The following TMEM232 variants were observed in gnomAD, a reference collection of about 807,000 sequenced individuals.
TMEM232 encodes transmembrane protein 232.
Under a neutral mutation model 78.8 loss-of-function variants are expected in TMEM232, and 80 were observed. That is an observed-to-expected ratio of 1.01 (90% CI 0.85 to 1.22). TMEM232 has a LOEUF of 1.22. Among genes scored for constraint, TMEM232 ranks in the 50% most tolerant of loss-of-function variants. TMEM232 has a pLI of 0.00. For missense variants in TMEM232, 881 were observed against 742.2 expected (o/e 1.19, Z -2.17); for synonymous variants, 297 against 254.3 (o/e 1.17, Z -1.60).
chr5:110,729,553 G>A (rs79394472), upstream of TMEM232, among the ~76,000 whole-genome samples: 4 of 152,290 alleles, frequency 2.6e-5, no homozygotes, highest in East Asian at 5.8e-4. Flanking sequence ...AGCCAAAAAC[G>A]GCAGATTATA....
intron 12 of TMEM232, among the ~76,000 whole-genome samples, chr5:110,485,779 C>A (rs888579610): frequency 2.0e-5 from 3 of 151,922 alleles, no homozygotes; most frequent in Non-Finnish European, 4.4e-5. Flanking sequence ...TATAAATATG[C>A]GTGTGCAAGT....
At chr5:110,405,649 G>T (rs930123477) in intron 2 of TMEM232, among the ~76,000 whole-genome samples, 4 of 150,456 alleles carry the variant, frequency 2.7e-5, no homozygotes, top group African/African-American at 4.9e-5. Context: ...TTGTTGAATG[G>T]GTCTTCAAGT....
chr5:110,493,561 C>T (rs1377164417), intron 12 of TMEM232, among the ~76,000 whole-genome samples: 1 of 152,016 alleles, frequency 6.6e-6, no homozygotes, highest in African/African-American at 2.4e-5. Context: ...ATATATATGG[C>T]ATTGGCTGAT....
chr5:110,434,518 G>C (rs1380829526), intron 12 of TMEM232, among the ~76,000 whole-genome samples: 1 of 151,544 alleles, frequency 6.6e-6, no homozygotes, highest in Non-Finnish European at 1.5e-5. Context: ...TTACAGCCAA[G>C]TTCTACCAGA....
At chr5:110,448,940 A>G (rs1332579281) in intron 12 of TMEM232, among the ~76,000 whole-genome samples, 1 of 152,036 alleles carries the variant, frequency 6.6e-6, no homozygotes, top group African/African-American at 2.4e-5. Flanking sequence ...AACACAAGAC[A>G]TATAAAGTGT....
intron 1 of TMEM232, among the ~76,000 whole-genome samples, chr5:110,673,797 T>C (rs1791672277): frequency 6.6e-6 from 1 of 152,200 alleles, no homozygotes; most frequent in Admixed American, 6.5e-5. Flanking sequence ...CCTTCTTTCT[T>C]CCCAAAGTGA....
intron 13 of TMEM232, 39 bp from the exon 14 acceptor site, chr5:110,420,795 T>TG: frequency 6.7e-7 from 1 of 1,483,746 alleles, no homozygotes; most frequent in Non-Finnish European, 8.8e-7. Context: ...TGATTTTCCA[T>TG]GAAAAAATGC....
intron 1 of TMEM232, among the ~76,000 whole-genome samples, chr5:110,697,586 TCAAA>T (rs2150254898): frequency 6.6e-6 from 1 of 151,990 alleles, no homozygotes; most frequent in African/African-American, 2.4e-5. Flanking sequence ...TACAATGAAC[TCAAA>T]CAAATTTACA....
At chr5:110,458,313 A>G (rs533616214) in intron 12 of TMEM232, among the ~76,000 whole-genome samples, 1 of 151,298 alleles carries the variant, frequency 6.6e-6, no homozygotes, top group African/African-American at 2.4e-5. Flanking sequence ...GTGCTCTAGT[A>G]CAAAACAAGA....
chr5:110,673,835 T>C (rs902154178), intron 1 of TMEM232, among the ~76,000 whole-genome samples: 2 of 152,218 alleles, frequency 1.3e-5, no homozygotes, highest in Non-Finnish European at 2.9e-5. Flanking sequence ...AATGGGGTTT[T>C]ATTATTAACC....
rs114802064 is a variant in TMEM232 at position 110,551,679 on chromosome 5, T to C, written c.1455+16768A>G. ...CCCTGCAAATGTTGAGCAATAAAAA[T>C]ACAAGGGGAACTACATCGGATTTAT... On this transcript the variant is annotated intron_variant, in intron 11 of 13. Transcript: ENST00000455884. 9.1e-3 allele frequency among the ~76,000 whole-genome samples: 1,381 copies of C among 152,086 alleles called. 4 individuals are homozygous for C. The highest frequency in any genetic ancestry group is 0.014 in the Non-Finnish European group (975 of 67,970).
intron 2 of TMEM232, among the ~76,000 whole-genome samples, chr5:110,644,381 A>G (rs905487457): frequency 6.6e-6 from 1 of 151,932 alleles, no homozygotes; most frequent in East Asian, 1.9e-4. Flanking sequence ...ATTAGGAATT[A>G]TGTTTTTAAA....
chr5:110,702,375 T>G (rs1328289988), intron 1 of TMEM232, among the ~76,000 whole-genome samples: 2 of 148,986 alleles, frequency 1.3e-5, no homozygotes, highest in East Asian at 3.9e-4. Context: ...TGAGGGCCAC[T>G]TTAGCCATTG....
At chr5:110,614,765 GTTGT>G (rs1025592614) in intron 8 of TMEM232, among the ~76,000 whole-genome samples, 2 of 151,896 alleles carry the variant, frequency 1.3e-5, no homozygotes, top group African/African-American at 2.4e-5. Flanking sequence ...CGTAGTTCTA[GTTGT>G]TTGTCATTTT....
chr5:110,721,018 T>G (rs1160977208), intron 1 of TMEM232: 1 of 152,132 alleles, frequency 6.6e-6, no homozygotes, highest in Non-Finnish European at 1.5e-5. Context: ...GCTAAAGGTA[T>G]AGTATACATT....
upstream of TMEM232, chr5:110,738,357 A>C: frequency 1.3e-6 from 1 of 745,194 alleles, no homozygotes; most frequent in Non-Finnish European, 1.7e-6. Context: ...CACATCAGAA[A>C]AAAATACGAC....
intron 1 of TMEM232, among the ~76,000 whole-genome samples, chr5:110,673,392 A>G (rs928287537): frequency 2.6e-5 from 4 of 152,084 alleles, no homozygotes; most frequent in Non-Finnish European, 5.9e-5. Flanking sequence ...AACATGGCAC[A>G]TGTATACATA....
Position 110,625,546 on chromosome 5 carries a change from T to G in TMEM232, c.602-113A>C, listed in dbSNP as rs1784321265. The G allele has an allele frequency of 3.4e-5, 33 of 959,006 alleles. 1 individual carries two copies. In the South Asian group the frequency reaches 7.7e-4, roughly 22 times the overall value. 59.4% of individuals were successfully genotyped at this position (959,006 alleles called of 1,614,324 possible). A position where few individuals can be genotyped will look rare whatever the true frequency, so the allele number is the denominator to read the frequency against. ...AAATTCAGTACTTAGATGCAGAAAC[T>G]GCTAGTTTCCTATTTAAGATTTATA... On this transcript the variant is annotated intron_variant, in intron 6 of 13. Transcript: ENST00000455884.
At chr5:110,453,199 G>A (rs996942346) in intron 12 of TMEM232, among the ~76,000 whole-genome samples, 3 of 152,084 alleles carry the variant, frequency 2.0e-5, no homozygotes, top group African/African-American at 7.2e-5. Flanking sequence ...ACAATTACTC[G>A]TTCCCTGTAA....
Sources: gnomAD v4.1 joint callset for allele counts (sites outside exome capture counted in the v4.1 genomes callset) on GRCh38, gnomAD v4.1.1 for gene constraint, MANE v1.5 for transcripts, NCBI Gene and HGNC (gene_info 2026-07-23, HGNC 2026-07-21) for gene names.